The following SKAP2 variants were observed in gnomAD, a reference collection of about 807,000 sequenced individuals.
The protein encoded by SKAP2 is src kinase-associated phosphoprotein 2.
In SKAP2, 28 loss-of-function variants were observed where a neutral mutation model predicts 54.9. The ratio of observed to expected loss-of-function variants is 0.51; its 90% CI spans 0.38 to 0.70. SKAP2 has a LOEUF of 0.70. Among genes scored for constraint, SKAP2 ranks in the 30% least tolerant of loss-of-function variants. The pLI is 0.00. For synonymous variants in SKAP2, 137 were observed against 134.3 expected (o/e 1.02, Z -0.14); for missense variants, 356 against 424.1 (o/e 0.84, Z 1.41).
chr7:26,835,719 T>G (rs1370910317), intron 4 of SKAP2, among the ~76,000 whole-genome samples: 1 of 152,188 alleles, frequency 6.6e-6, no homozygotes, highest in African/African-American at 2.4e-5. Flanking sequence ...AAATATTCCA[T>G]GCTTATGGAT....
intron 2 of SKAP2, 79 bp from the exon 3 acceptor site, chr7:26,854,241 A>G: frequency 1.1e-6 from 1 of 879,078 alleles, no homozygotes; most frequent in Non-Finnish European, 1.7e-6. Context: ...ATTAAAATCC[A>G]AAATCTATAT....
intron 9 of SKAP2, among the ~76,000 whole-genome samples, chr7:26,711,951 A>C (rs1373712663): frequency 6.6e-6 from 1 of 152,196 alleles, no homozygotes; most frequent in Non-Finnish European, 1.5e-5. Context: ...TTAGTGGCAG[A>C]ATCAGGAGTA....
At position 26,669,105 on chromosome 7, in the gene SKAP2, C is replaced by G. The variant is rs569526705; in HGVS notation, c.*561G>C. The G allele has an allele frequency of 3.7e-4, 57 of 152,170 alleles. No homozygotes were observed. Among genetic ancestry groups the G allele is most frequent in the African/African-American group, 1.2e-3 (49 of 41,502 alleles). The allele number at this position is 152,170 out of a possible 1,614,324, so 9.4% of individuals were successfully genotyped here. A position where few individuals can be genotyped will look rare whatever the true frequency, so the allele number is the denominator to read the frequency against. On this transcript the variant is annotated 3_prime_UTR_variant, in exon 13 of 13. Coordinates refer to ENST00000345317, the MANE Select transcript of SKAP2 (RefSeq NM_003930.5). The stretch of plus-strand genomic sequence containing the variant: ...TCATTTTTTCTTTCTTGCGGCTGTA[C>G]TTAATAGGAATTAAATGTGTGAAAA...
intron 11 of SKAP2, among the ~76,000 whole-genome samples, chr7:26,678,196 G>A (rs1316649511): frequency 6.6e-6 from 1 of 152,086 alleles, no homozygotes; most frequent in East Asian, 1.9e-4. Context: ...TAAGTACCTA[G>A]AACAGGACAT....
At chr7:26,738,655 T>G in intron 6 of SKAP2, 140 bp downstream of exon 6, 1 of 564,668 alleles carries the variant, frequency 1.8e-6, no homozygotes, top group South Asian at 2.5e-5. Flanking sequence ...AAATGAATCA[T>G]AAATTAGTCA....
chr7:26,845,447 T>G (rs966082357), intron 3 of SKAP2, among the ~76,000 whole-genome samples: 1 of 152,228 alleles, frequency 6.6e-6, no homozygotes, highest in Non-Finnish European at 1.5e-5. Flanking sequence ...AACATAGAGA[T>G]GGCTATATTG....
intron 1 of SKAP2, among the ~76,000 whole-genome samples, chr7:26,863,216 T>C (rs1400245666): frequency 6.6e-6 from 1 of 152,192 alleles, no homozygotes; most frequent in Non-Finnish European, 1.5e-5. Flanking sequence ...CAAAATTGAA[T>C]GACAGAATAT....
chr7:26,810,508 G>T (rs967249035), intron 4 of SKAP2, among the ~76,000 whole-genome samples: 1 of 152,026 alleles, frequency 6.6e-6, no homozygotes, highest in Non-Finnish European at 1.5e-5. Context: ...ACATCACGGT[G>T]ACTGCTTAAC....
intron 11 of SKAP2, among the ~76,000 whole-genome samples, chr7:26,678,551 C>T (rs1786409116): frequency 6.6e-6 from 1 of 151,738 alleles, no homozygotes. Context: ...AGTGATTCTC[C>T]TGCCTCAGCT....
chr7:26,779,152 C>T (rs1783373581), intron 4 of SKAP2, among the ~76,000 whole-genome samples: 3 of 151,866 alleles, frequency 2.0e-5, no homozygotes, highest in African/African-American at 7.2e-5. Flanking sequence ...TCAATAATTC[C>T]ATAAAAATGT....
intron 3 of SKAP2, among the ~76,000 whole-genome samples, chr7:26,846,673 G>A (rs540040495): frequency 1.3e-5 from 2 of 152,246 alleles, no homozygotes; most frequent in East Asian, 3.9e-4. Flanking sequence ...AGAAAGTCAT[G>A]GTTTCGGTTT....
intron 9 of SKAP2, among the ~76,000 whole-genome samples, chr7:26,722,385 ATTTTTTTTTT>A (rs35643377): frequency 1.1e-5 from 1 of 89,056 alleles, no homozygotes; most frequent in East Asian, 3.6e-4. Context: ...ATGCAATGCA[ATTTTTTTTTT>A]TTTTTTTTTT....
At chr7:26,724,976 T>C (rs1787669144) in intron 9 of SKAP2, among the ~76,000 whole-genome samples, 1 of 152,014 alleles carries the variant, frequency 6.6e-6, no homozygotes, top group African/African-American at 2.4e-5. Flanking sequence ...GACAGTGCAA[T>C]ATACTACAAG....
chr7:26,694,104 CAT>C lies in SKAP2; in HGVS notation c.797-3744_797-3743del, dbSNP rs559861277. 3.7e-4 allele frequency among the ~76,000 whole-genome samples: 57 copies of C among 152,262 alleles called. 1 individual carries two copies. Among genetic ancestry groups the C allele is most frequent in the Middle Eastern group, 6.8e-3 (2 of 294 alleles). ...AATATATTAGAAATATATACATTCACATATTTTTTTATTTAGGTTTATTATTA... is the reference window on the plus strand; with the variant it reads ...AATATATTAGAAATATATACATTCACATTTTTTTATTTAGGTTTATTATTA... On this transcript the variant is annotated intron_variant, in intron 9 of 12. Transcript: ENST00000345317.
At chr7:26,683,056 G>A (rs1786539916) in intron 11 of SKAP2, among the ~76,000 whole-genome samples, 1 of 152,136 alleles carries the variant, frequency 6.6e-6, no homozygotes, top group African/African-American at 2.4e-5. Flanking sequence ...ATTTACAAAA[G>A]GAGTATAATA....
chr7:26,748,045 C>T (rs1548479), intron 4 of SKAP2, among the ~76,000 whole-genome samples: 86,353 of 151,930 alleles, frequency 0.57, 25,032 homozygotes, highest in East Asian at 0.88. Flanking sequence ...TCCTTCTCCA[C>T]TCATTTAAAA....
chr7:26,682,536 G>T (rs212848), intron 11 of SKAP2, among the ~76,000 whole-genome samples: 124,333 of 152,190 alleles, frequency 0.82, 51,416 homozygotes, highest in African/African-American at 0.95. Context: ...ACATGCTGGC[G>T]AACAGGGTCT....
chr7:26,657,879 G>T, the SKAP2 span, among the ~76,000 whole-genome samples: 3 of 151,912 alleles, frequency 2.0e-5, no homozygotes, highest in Non-Finnish European at 2.9e-5. Context: ...TCATGATTTG[G>T]TGTTGTTTTT....
At position 26,740,012 on chromosome 7, in the gene SKAP2, T is replaced by A. The variant is rs184803137; in HGVS notation, c.308-48A>T. The A allele has an allele frequency of 5.3e-3, 6,507 of 1,227,180 alleles. 25 individuals carry two copies. The highest frequency in any genetic ancestry group is 6.9e-3 in the Non-Finnish European group (5,865 of 855,400). The allele number at this position is 1,227,180 out of a possible 1,614,324, so 76.0% of individuals were successfully genotyped here. A position where few individuals can be genotyped will look rare whatever the true frequency, so the allele number is the denominator to read the frequency against. On this transcript the variant is annotated intron_variant, in intron 4 of 12. Transcript: ENST00000345317. Reference sequence around the variant, plus strand: ...AAAAAAAAGCAGTGGGTAATCCATTTCAGAATAAACAAGTGCCAGATCTCA... The same window carrying A: ...AAAAAAAAGCAGTGGGTAATCCATTACAGAATAAACAAGTGCCAGATCTCA...
Sources: gnomAD v4.1 joint callset for allele counts (sites outside exome capture counted in the v4.1 genomes callset) on GRCh38, gnomAD v4.1.1 for gene constraint, MANE v1.5 for transcripts, NCBI Gene and HGNC (gene_info 2026-07-23, HGNC 2026-07-21) for gene names.